ROBO1: variants seen among roughly 807,000 people sequenced by gnomAD.
ROBO1 encodes roundabout homolog 1.
A neutral mutation model predicts 195.9 loss-of-function variants in ROBO1; 149 were observed. The observed-to-expected ratio is 0.76, with a 90% CI of 0.67 to 0.87. The LOEUF (loss-of-function observed/expected upper bound fraction) is 0.87. Ranked by LOEUF, ROBO1 falls within the 40% of genes least tolerant of loss-of-function variation. ROBO1 has a pLI of 0.00. For missense variants in ROBO1, 1,933 were observed against 2,068.3 expected (o/e 0.93, Z 1.27); for synonymous variants, 816 against 733.2 (o/e 1.11, Z -1.82).
intron 4 of ROBO1, among the ~76,000 whole-genome samples, chr3:78,834,258 G>C (rs773563922): frequency 4.0e-5 from 6 of 151,818 alleles, no homozygotes; most frequent in Non-Finnish European, 8.8e-5. Flanking sequence ...ATAAAGAGGA[G>C]AGAAAGAAGG....
At chr3:79,324,627 T>C (rs1184912552) in intron 2 of ROBO1, among the ~76,000 whole-genome samples, 2 of 152,104 alleles carry the variant, frequency 1.3e-5, no homozygotes, top group Non-Finnish European at 2.9e-5. Context: ...GGAATGGATC[T>C]TGAGGCCTGG....
intron 2 of ROBO1, among the ~76,000 whole-genome samples, chr3:79,239,521 TA>T (rs2082473470): frequency 6.6e-6 from 1 of 152,194 alleles, no homozygotes; most frequent in Non-Finnish European, 1.5e-5. Context: ...ATAGATTACA[TA>T]GCTACATGTG....
chr3:78,741,590 C>A (rs1276586877), intron 5 of ROBO1, among the ~76,000 whole-genome samples: 1 of 152,032 alleles, frequency 6.6e-6, no homozygotes, highest in African/African-American at 2.4e-5. Flanking sequence ...AATAAAGTAT[C>A]TTGAACTTAA....
chr3:78,914,296 A>G (rs568851850), intron 4 of ROBO1, among the ~76,000 whole-genome samples: 34 of 152,326 alleles, frequency 2.2e-4, no homozygotes, highest in African/African-American at 7.2e-4. Flanking sequence ...AATAGACAGT[A>G]TACGAGTTTA....
intron 2 of ROBO1, among the ~76,000 whole-genome samples, chr3:79,255,847 A>G (rs1559768996): frequency 6.6e-6 from 1 of 152,154 alleles, no homozygotes; most frequent in Non-Finnish European, 1.5e-5. Context: ...TTACTTCCCC[A>G]TAAGTGAGGT....
At chr3:78,805,027 T>C (rs1197234616) in intron 4 of ROBO1, among the ~76,000 whole-genome samples, 1 of 152,128 alleles carries the variant, frequency 6.6e-6, no homozygotes, top group Non-Finnish European at 1.5e-5. Flanking sequence ...GCCTGTTTAT[T>C]AAATGCCCCT....
chr3:78,844,255 C>T (rs1224356052), intron 4 of ROBO1, among the ~76,000 whole-genome samples: 2 of 152,114 alleles, frequency 1.3e-5, no homozygotes, highest in African/African-American at 4.8e-5. Context: ...CGGAGGCCTT[C>T]TCCTTCTCTG....
At chr3:78,837,987 T>G (rs2032887442) in intron 4 of ROBO1, among the ~76,000 whole-genome samples, 1 of 152,228 alleles carries the variant, frequency 6.6e-6, no homozygotes, top group South Asian at 2.1e-4. Context: ...TAAATATGCC[T>G]GAACATTTTC....
chr3:78,755,335 A>G (rs1231875777), intron 4 of ROBO1, among the ~76,000 whole-genome samples: 2 of 152,116 alleles, frequency 1.3e-5, no homozygotes, highest in African/African-American at 4.8e-5. Context: ...TTAGCTAGGC[A>G]TGGTGGTGCT....
intron 1 of ROBO1, among the ~76,000 whole-genome samples, chr3:79,625,955 T>C (rs1175879570): frequency 1.3e-5 from 2 of 152,190 alleles, no homozygotes; most frequent in African/African-American, 4.8e-5. Flanking sequence ...ACAAAGATCC[T>C]CAATAAAATA....
chr3:79,601,011 G>T (rs985915539), intron 1 of ROBO1, among the ~76,000 whole-genome samples: 2 of 151,850 alleles, frequency 1.3e-5, no homozygotes, highest in Non-Finnish European at 2.9e-5. Context: ...AGTTACAAGC[G>T]GTGGTAATTT....
At chr3:78,947,350 G>C (rs1363537318) in intron 3 of ROBO1, among the ~76,000 whole-genome samples, 8 of 152,158 alleles carry the variant, frequency 5.3e-5, no homozygotes, top group Non-Finnish European at 1.0e-4. Flanking sequence ...AATCAAACTA[G>C]AACTCAGGAT....
intron 2 of ROBO1, among the ~76,000 whole-genome samples, chr3:79,162,661 T>TA (rs1313931213): frequency 6.6e-6 from 1 of 152,178 alleles, no homozygotes; most frequent in Non-Finnish European, 1.5e-5. Flanking sequence ...TGGGCAAACT[T>TA]ACGTTTGCAC....
chr3:78,639,312 A>C (rs1282874185), intron 22 of ROBO1, among the ~76,000 whole-genome samples: 1 of 151,486 alleles, frequency 6.6e-6, no homozygotes, highest in Non-Finnish European at 1.5e-5. Context: ...AATATATAAA[A>C]ATTAGCTGAG....
intron 4 of ROBO1, among the ~76,000 whole-genome samples, chr3:78,932,439 A>G (rs2039582267): frequency 6.6e-6 from 1 of 152,214 alleles, no homozygotes; most frequent in African/African-American, 2.4e-5. Context: ...GAGACTGGTA[A>G]TAAAATACGT....
chr3:79,641,984 G>A (rs2106673999), intron 1 of ROBO1, among the ~76,000 whole-genome samples: 1 of 152,200 alleles, frequency 6.6e-6, no homozygotes, highest in East Asian at 1.9e-4. Flanking sequence ...ATGTCACTGT[G>A]CTCCATCCTG....
chr3:79,704,771 C>T (rs1445781924), intron 1 of ROBO1, among the ~76,000 whole-genome samples: 1 of 151,990 alleles, frequency 6.6e-6, no homozygotes, highest in Non-Finnish European at 1.5e-5. Flanking sequence ...AAAATGTCTT[C>T]GCAAGTGGCT....
chr3:79,055,547 A>T (rs1300696901), intron 3 of ROBO1, among the ~76,000 whole-genome samples: 1 of 152,096 alleles, frequency 6.6e-6, no homozygotes, highest in East Asian at 1.9e-4. Context: ...CCTGATGGTC[A>T]AAAAGGTACA....
At chr3:79,414,687 T>C (rs573601916) in intron 2 of ROBO1, among the ~76,000 whole-genome samples, 1 of 152,258 alleles carries the variant, frequency 6.6e-6, no homozygotes, top group East Asian at 1.9e-4. Flanking sequence ...AAAGCTTATA[T>C]TCAGTATTAA....
Sources: gnomAD v4.1 joint callset for allele counts (sites outside exome capture counted in the v4.1 genomes callset) on GRCh38, gnomAD v4.1.1 for gene constraint, MANE v1.5 for transcripts, NCBI Gene and HGNC (gene_info 2026-07-23, HGNC 2026-07-21) for gene names.